Variants in MMAB observed in about 807,000 individuals in gnomAD.
MMAB encodes metabolism of cobalamin associated B.
In MMAB, 17 loss-of-function variants were observed where a neutral mutation model predicts 30.6. The observed-to-expected ratio is 0.56, with a 90% CI of 0.38 to 0.83. The LOEUF (loss-of-function observed/expected upper bound fraction) is 0.83, where lower values mean the gene tolerates loss of function less well. Among genes scored for constraint, MMAB ranks in the 40% least tolerant of loss-of-function variants. MMAB has a pLI of 0.00. For synonymous variants in MMAB, 134 were observed against 138.6 expected (o/e 0.97, Z 0.23); for missense variants, 311 against 331.6 (o/e 0.94, Z 0.48).
chr12:109,570,968 T>A (rs1400898523), intron 2 of MMAB, among the ~76,000 whole-genome samples: 1 of 151,574 alleles, frequency 6.6e-6, no homozygotes, highest in African/African-American at 2.4e-5. Context: ...ACTATTAAAG[T>A]AATATATACT....
rs747366171 is a variant in MMAB, at chr12:109,555,654, C to T, written c.*1374G>A. On this transcript the variant is annotated 3_prime_UTR_variant, in exon 9 of 9. Coordinates refer to ENST00000545712, the MANE Select transcript of MMAB (RefSeq NM_052845.4). ...AGGGAGGCACGGAACAAAGCCACCT[C>T]CTGGAAGGCATTCACACACTCCTGG... 1 of 451,168 alleles carries T rather than the reference C, an allele frequency of 2.2e-6. No homozygotes were observed. Among genetic ancestry groups the T allele is most frequent in the South Asian group, 1.6e-5 (1 of 64,320 alleles). 27.9% of individuals were successfully genotyped at this position (451,168 alleles called of 1,614,324 possible). A position where few individuals can be genotyped will look rare whatever the true frequency, so the allele number is the denominator to read the frequency against.
At chr12:109,568,913 T>TA in intron 2 of MMAB, 50 bp from the exon 3 acceptor site, 1 of 1,320,942 alleles carries the variant, frequency 7.6e-7, no homozygotes, top group Non-Finnish European at 1.1e-6. Context: ...GTTTTCCTGA[T>TA]ATGCTGTTTT....
At chr12:109,568,730 G>T (rs371396538) in intron 3 of MMAB, 40 bp downstream of exon 3, 3 of 1,456,330 alleles carry the variant, frequency 2.1e-6, no homozygotes, top group African/African-American at 2.8e-5. Context: ...ACTCATACTC[G>T]ACTCAAACGC....
chr12:109,558,573 C>T lies in MMAB; in HGVS notation c.644+523G>A, dbSNP rs1215274812. 2.6e-5 allele frequency among the ~76,000 whole-genome samples: 4 copies of T among 152,186 alleles called. No homozygotes were observed. The highest frequency in any genetic ancestry group is 9.7e-5 in the African/African-American group (4 of 41,440). Reference sequence around the variant, plus strand: ...GCTTTGGGCCAGGTGTGGCTCCAGCCTCATGGGCCGGCCGCGAGGCAGAGG... The same window carrying T: ...GCTTTGGGCCAGGTGTGGCTCCAGCTTCATGGGCCGGCCGCGAGGCAGAGG... On this transcript the variant is annotated intron_variant, in intron 8 of 8. Transcript: ENST00000545712. The surrounding 1 kb of genome is among the most constrained non-coding windows in gnomAD (Gnocchi z 4.3).
At chr12:109,567,056 T>C (rs1190117228) in intron 3 of MMAB, 10 of 454,878 alleles carry the variant, frequency 2.2e-5, no homozygotes, top group East Asian at 2.1e-4. Flanking sequence ...AACAGGTAAG[T>C]GTTAAGAATA....
Position 109,561,783 on chromosome 12 carries a change from A to G in MMAB, c.418T>C (p.Leu140=), listed in dbSNP as rs768054177. 2.5e-6 allele frequency: 4 copies of G among 1,607,120 alleles called. No homozygotes were observed. In the South Asian group the frequency reaches 4.5e-5, roughly 18 times the overall value. ...CCCACAGGAGTTTGAGAATTACTTA[A>G]GTGAGCCTCCCGGGCCGAGGAGCAT... ...TPCSSAREAH[L]KYTTFKAGPI... The change falls in exon 5 of 9, where the codon TTA becomes CTA. Residue 140 remains leucine, a synonymous_variant. Transcript: ENST00000545712. The surrounding 1 kb of genome is among the most constrained non-coding windows in gnomAD (Gnocchi z 5.3).
intron 8 of MMAB, 71 bp downstream of exon 8, chr12:109,559,025 C>G: frequency 2.5e-6 from 3 of 1,186,392 alleles, no homozygotes; most frequent in Non-Finnish European, 3.8e-6. Flanking sequence ...TCCCGGACCG[C>G]TGCACCGCTG....
chr12:109,557,725 G>GGT, intron 8 of MMAB, among the ~76,000 whole-genome samples: 1 of 152,342 alleles, frequency 6.6e-6, no homozygotes, highest in East Asian at 1.9e-4. Context: ...CCACCCACCA[G>GGT]GTGCCAGTGG....
rs1884088946 is a variant in MMAB, at chr12:109,558,978, TGAA to T, written c.644+115_644+117del. 1.3e-6 allele frequency: 1 copy of T among 760,824 alleles called. No individual in the cohort carries two copies. Among genetic ancestry groups the T allele is most frequent in the East Asian group, 2.6e-5 (1 of 38,166 alleles). 47.1% of individuals were successfully genotyped at this position (760,824 alleles called of 1,614,324 possible). On this transcript the variant is annotated intron_variant, in intron 8 of 8. Coordinates refer to ENST00000545712, the MANE Select transcript of MMAB (RefSeq NM_052845.4). The surrounding 1 kb of genome is among the most constrained non-coding windows in gnomAD (Gnocchi z 4.3). ...CAGATGTTCATAAACACTAAGGGAA[TGAA>T]GGAGGGGGTGCGGGAATGCTGCCCC...
intron 2 of MMAB, among the ~76,000 whole-genome samples, chr12:109,570,811 C>T (rs1193924956): frequency 1.4e-5 from 2 of 141,596 alleles, no homozygotes; most frequent in Admixed American, 1.5e-4. Flanking sequence ...AAGGTGGAGG[C>T]TGTTGTGAGC....
intron 8 of MMAB, among the ~76,000 whole-genome samples, chr12:109,557,954 C>T (rs375076763): frequency 4.1e-4 from 62 of 152,328 alleles, no homozygotes; most frequent in Non-Finnish European, 2.6e-4. Flanking sequence ...AAGGCGCTTA[C>T]GCTGTCAGCT....
At chr12:109,564,703 G>C (rs1884353268) in intron 4 of MMAB, 3 of 290,848 alleles carry the variant, frequency 1.0e-5, no homozygotes, top group African/African-American at 4.3e-5. Context: ...GCCTGAGACA[G>C]GGTCTCAATC....
Position 109,567,358 on chromosome 12 carries a change from C to T in MMAB, c.290+1412G>A, listed in dbSNP as rs933097656. Among the ~76,000 whole-genome samples, 3 of 152,262 alleles carry T rather than the reference C, an allele frequency of 2.0e-5. No individual in the cohort carries two copies. The East Asian group carries it at 5.8e-4, about 29-fold the overall frequency. The stretch of plus-strand genomic sequence containing the variant: ...CACAGAGGCCACGTGATTTACCTGA[C>T]GTCCCAGAGACAATCAGCAGCGGTG... On this transcript the variant is annotated intron_variant, in intron 3 of 8. Transcript: ENST00000545712.
intron 3 of MMAB, chr12:109,568,065 T>G (rs1341138595): frequency 1.3e-5 from 2 of 152,604 alleles, no homozygotes; most frequent in Non-Finnish European, 2.9e-5. Context: ...TCAGCAATAA[T>G]CACATCTTGG....
At chr12:109,559,239 C>T (rs1199118493) in intron 7 of MMAB, 84 bp from the exon 8 acceptor site, 2 of 978,926 alleles carry the variant, frequency 2.0e-6, no homozygotes, top group Non-Finnish European at 3.3e-6. Context: ...AGCAGCATTT[C>T]ACATCCTGCC....
Position 109,562,884 on chromosome 12 carries a change from C to T in MMAB, c.349-1032G>A, listed in dbSNP as rs565673673. On this transcript the variant is annotated intron_variant, in intron 4 of 8. Coordinates refer to ENST00000545712, the MANE Select transcript of MMAB (RefSeq NM_052845.4). ...TCCAGGCCCCTGCATGACAAATGTC[C>T]AACAGCTCTCATGCATGTGAAGACC... is the stretch of plus-strand genomic sequence containing the variant. 8.7e-4 allele frequency among the ~76,000 whole-genome samples: 133 copies of T among 152,152 alleles called. 1 individual carries two copies. Among genetic ancestry groups the T allele is most frequent in the Non-Finnish European group, 1.3e-3 (87 of 68,032 alleles).
rs1248896950 is a variant in MMAB, at chr12:109,573,439, G to T, written c.42C>A (p.Ser14Arg). The change falls in exon 1 of 9, where the codon AGC becomes AGA. Residue 14 changes from serine (S) to arginine (R), a missense_variant. By Grantham distance (110) the Ser-to-Arg change is moderately radical (BLOSUM62 -1). Transcript: ENST00000545712. ...CGLGSRLGLG[S>R]RLGLRGCFGA... ...CGAAGCACCCGCGCAGGCCAAGACG[G>T]CTCCCCAGGCCAAGACGGCTCCCCA... is the stretch of plus-strand genomic sequence containing the variant. 6.2e-7 allele frequency: 1 copy of T among 1,606,720 alleles called. No homozygotes were observed. Among genetic ancestry groups the T allele is most frequent in the Non-Finnish European group, 8.5e-7 (1 of 1,177,832 alleles).
Position 109,556,451 on chromosome 12 carries a change from G to C in MMAB, c.*577C>G, listed in dbSNP as rs781551147. The C allele has an allele frequency of 2.2e-6, 1 of 454,094 alleles. No individual in the cohort carries two copies. The highest frequency in any genetic ancestry group is 4.4e-6 in the Non-Finnish European group (1 of 226,802). 28.1% of individuals were successfully genotyped at this position (454,094 alleles called of 1,614,324 possible). A position where few individuals can be genotyped will look rare whatever the true frequency, so the allele number is the denominator to read the frequency against. ...TCTGAGCCTCGCCTGTCAATCTGCA[G>C]CTATCCTTCCCCCACACTTTGGCGG... On this transcript the variant is annotated 3_prime_UTR_variant, in exon 9 of 9. Coordinates refer to ENST00000545712, the MANE Select transcript of MMAB (RefSeq NM_052845.4).
Position 109,555,158 on chromosome 12 carries a change from T to C in MMAB, c.*1870A>G, listed in dbSNP as rs1883918168. ...TGCAGGGCTGCTGTGTTATTTTATA[T>C]ATATATATATATTCCAGGAAGATTT... On this transcript the variant is annotated 3_prime_UTR_variant, in exon 9 of 9. Transcript: ENST00000545712. 6.6e-6 allele frequency: 3 copies of C among 452,726 alleles called. No individual in the cohort carries two copies. Among genetic ancestry groups the C allele is most frequent in the South Asian group, 1.6e-5 (1 of 64,028 alleles). 28.0% of individuals were successfully genotyped at this position (452,726 alleles called of 1,614,324 possible).
Sources: allele counts gnomAD v4.1 joint callset (sites outside exome capture counted in the v4.1 genomes callset), GRCh38; gene constraint gnomAD v4.1.1; non-coding constraint Gnocchi (gnomAD v3.1); transcripts MANE v1.5; gene names NCBI Gene and HGNC (gene_info 2026-07-23, HGNC 2026-07-21).